RAD54L2: variants seen among roughly 807,000 people sequenced by gnomAD.
RAD54L2 encodes the protein helicase ARIP4.
A neutral mutation model predicts 138.4 loss-of-function variants in RAD54L2; 27 were observed. The observed-to-expected ratio is 0.20, with a 90% CI of 0.14 to 0.27. The LOEUF (loss-of-function observed/expected upper bound fraction) is 0.27. Among genes scored for constraint, RAD54L2 ranks in the 10% least tolerant of loss-of-function variants. The pLI is 1.00. For synonymous variants in RAD54L2, 644 were observed against 723.2 expected (o/e 0.89, Z 1.76); for missense variants, 1,396 against 1,890.2 (o/e 0.74, Z 4.85).
Position 51,637,278 on chromosome 3 carries a change from G to A in RAD54L2, c.1457G>A (p.Arg486His), listed in dbSNP as rs1422490339. 6.2e-7 allele frequency: 1 copy of A among 1,610,030 alleles called. No individual in the cohort carries two copies. The highest frequency in any genetic ancestry group is 1.3e-5 in the African/African-American group (1 of 74,978). ...GCTCTGAAGAATATCCGCTCTCGCC[G>A]CCGGGTGGTGCTGACTGGGTACCCT... is the stretch of plus-strand genomic sequence containing the variant. Reference protein sequence around the residue: ...SQALKNIRSRRRVVLTGYPLQ... With the variant: ...SQALKNIRSRHRVVLTGYPLQ... Residue 486 changes from arginine (R) to histidine (H), a missense_variant, in exon 11 of 23, where the codon CGC becomes CAC. By Grantham distance (29) the Arg-to-His change is conservative. Around this residue, in one of 7 missense-constraint regions of RAD54L2, gnomAD observed 169 missense variants for 235.6 expected, o/e 0.72. Coordinates refer to ENST00000684192, the MANE Select transcript of RAD54L2 (RefSeq NM_015106.4). This position sits in a 1 kb window ranked among gnomAD's most constrained non-coding sequence, Gnocchi z 5.9.
At chr3:51,560,072 C>CA (rs1284605525) in intron 2 of RAD54L2, among the ~76,000 whole-genome samples, 40 of 150,842 alleles carry the variant, frequency 2.7e-4, no homozygotes, top group African/African-American at 8.5e-4. Flanking sequence ...AAGTGATTTG[C>CA]TCCAGTTAAG....
chr3:51,552,355 C>G (rs935622855), intron 2 of RAD54L2, among the ~76,000 whole-genome samples: 14 of 151,494 alleles, frequency 9.2e-5, no homozygotes, highest in Admixed American at 9.2e-4. Flanking sequence ...CTCCGCCTCC[C>G]GGGTTCATGC....
chr3:51,653,948 A>G (rs1362293143), intron 19 of RAD54L2, among the ~76,000 whole-genome samples: 1 of 152,104 alleles, frequency 6.6e-6, no homozygotes, highest in African/African-American at 2.4e-5. Context: ...CAAACAAACA[A>G]AAAAACTTGA....
intron 7 of RAD54L2, 59 bp from the exon 8 acceptor site, chr3:51,633,517 TA>T: frequency 1.3e-6 from 2 of 1,498,894 alleles, no homozygotes; most frequent in African/African-American, 1.4e-5. Context: ...ACAAAGTGAG[TA>T]AAAACTGGAG....
chr3:51,573,447 C>CT (rs1276886695), intron 2 of RAD54L2, among the ~76,000 whole-genome samples: 2 of 150,920 alleles, frequency 1.3e-5, no homozygotes, highest in East Asian at 1.9e-4. Context: ...TCAAATCTAT[C>CT]TATTTTTTTT....
chr3:51,643,205 T>C (rs1023156905), intron 15 of RAD54L2, among the ~76,000 whole-genome samples: 1 of 152,184 alleles, frequency 6.6e-6, no homozygotes, highest in African/African-American at 2.4e-5. Flanking sequence ...CAGCTAATTT[T>C]TGTATTTTTA....
At chr3:51,646,151 A>G (rs1272244546) in intron 18 of RAD54L2, 134 bp from the exon 19 acceptor site, 11 of 777,344 alleles carry the variant, frequency 1.4e-5, no homozygotes, top group East Asian at 2.7e-5. Context: ...GAAAGACAGT[A>G]AACCTGCCTG....
chr3:51,608,856 G>T (rs1014636694), intron 3 of RAD54L2, among the ~76,000 whole-genome samples: 20 of 152,174 alleles, frequency 1.3e-4, no homozygotes, highest in Admixed American at 9.2e-4. Flanking sequence ...CGTGCAAAGA[G>T]GGAGAGGCAG....
chr3:51,637,103 T>C lies in RAD54L2; in HGVS notation c.1340-58T>C. On this transcript the variant is annotated intron_variant, in intron 10 of 22. Transcript: ENST00000684192. This position sits in a 1 kb window ranked among gnomAD's most constrained non-coding sequence, Gnocchi z 5.9. The stretch of plus-strand genomic sequence containing the variant: ...CCAGGGTGCACCCCTACTTCTCATA[T>C]TATTGACTAAGAGCAGGCCCTGTCA... 1 of 1,428,424 alleles carries C rather than the reference T, an allele frequency of 7.0e-7. No homozygotes were observed. The allele number at this position is 1,428,424 out of a possible 1,614,324, so 88.5% of individuals were successfully genotyped here.
chr3:51,610,251 G>A (rs899511318), intron 3 of RAD54L2, among the ~76,000 whole-genome samples: 1 of 152,114 alleles, frequency 6.6e-6, no homozygotes, highest in African/African-American at 2.4e-5. Context: ...ACAATCCCCC[G>A]AGGCTACAAA....
At chr3:51,653,433 A>G (rs1701503805) in intron 19 of RAD54L2, among the ~76,000 whole-genome samples, 2 of 152,226 alleles carry the variant, frequency 1.3e-5, no homozygotes, top group Non-Finnish European at 2.9e-5. Context: ...ATTACTGGGT[A>G]TATACCCAAA....
At position 51,645,408 on chromosome 3, in the gene RAD54L2, G is replaced by C. The variant is rs1701254177; in HGVS notation, c.2656+179G>C. 6.6e-6 allele frequency among the ~76,000 whole-genome samples: 1 copy of C among 152,196 alleles called. No individual in the cohort carries two copies. Among genetic ancestry groups the C allele is most frequent in the South Asian group, 2.1e-4 (1 of 4,828 alleles). On this transcript the variant is annotated intron_variant, in intron 17 of 22. Transcript: ENST00000684192. The surrounding 1 kb of genome is among the most constrained non-coding windows in gnomAD (Gnocchi z 6.1). The stretch of plus-strand genomic sequence containing the variant: ...AGGTAATTGACCTCAACTTGTTGAA[G>C]GTGAGTTTAATGATAACAGCCAAGC...
intron 21 of RAD54L2, among the ~76,000 whole-genome samples, chr3:51,658,235 A>G (rs1040442861): frequency 2.0e-5 from 3 of 151,950 alleles, no homozygotes; most frequent in Admixed American, 6.6e-5. Flanking sequence ...CCCGGCCCTT[A>G]CTGTCATTTT....
At chr3:51,612,420 C>T (rs1392594979) in intron 3 of RAD54L2, among the ~76,000 whole-genome samples, 1 of 152,156 alleles carries the variant, frequency 6.6e-6, no homozygotes, top group African/African-American at 2.4e-5. Flanking sequence ...TGAGATTGCA[C>T]CACTGCACTC....
At chr3:51,604,968 C>T (rs1167342672) in intron 3 of RAD54L2, among the ~76,000 whole-genome samples, 2 of 152,000 alleles carry the variant, frequency 1.3e-5, no homozygotes, top group African/African-American at 4.8e-5. Flanking sequence ...GTTGCCCAGG[C>T]TGGAGTACAG....
Position 51,582,570 on chromosome 3 carries a change from A to G in RAD54L2, c.-54-7797A>G, listed in dbSNP as rs981080577. 3.0e-5 allele frequency among the ~76,000 whole-genome samples: 4 copies of G among 131,736 alleles called. No homozygotes were observed. The East Asian group carries it at 8.5e-4, about 28-fold the overall frequency. 86.4% of individuals were successfully genotyped at this position (131,736 alleles called of 152,430 possible). On this transcript the variant is annotated intron_variant, in intron 2 of 22. Coordinates refer to ENST00000684192, the MANE Select transcript of RAD54L2 (RefSeq NM_015106.4). ...TCTTCCTAATTGTTCTCTACCCTCC[A>G]CCCCCCACAACTCTGCCTTTTTTTT...
At chr3:51,581,642 A>C (rs566262814) in intron 2 of RAD54L2, among the ~76,000 whole-genome samples, 1 of 152,122 alleles carries the variant, frequency 6.6e-6, no homozygotes, top group South Asian at 2.1e-4. Context: ...TGGCTCTGTG[A>C]TAGAGCTCTC....
chr3:51,597,766 TGCAGCGA>T (rs1699995466), intron 3 of RAD54L2, among the ~76,000 whole-genome samples: 1 of 152,130 alleles, frequency 6.6e-6, no homozygotes, highest in East Asian at 1.9e-4. Flanking sequence ...AGGCAGTGGT[TGCAGCGA>T]GCCGAGATCG....
chr3:51,566,796 A>T (rs1211507873), intron 2 of RAD54L2, among the ~76,000 whole-genome samples: 1 of 151,916 alleles, frequency 6.6e-6, no homozygotes, highest in East Asian at 1.9e-4. Context: ...GCTTCTAGGC[A>T]CCTAAGATGT....
Sources: gnomAD v4.1 joint callset for allele counts (sites outside exome capture counted in the v4.1 genomes callset) on GRCh38, gnomAD v4.1.1 for gene constraint, gnomAD v4.1.1 regional missense constraint, Gnocchi (gnomAD v3.1) non-coding constraint, MANE v1.5 for transcripts, NCBI Gene and HGNC (gene_info 2026-07-23, HGNC 2026-07-21) for gene names.